The following PBX3 variants were observed in gnomAD, a reference collection of about 807,000 sequenced individuals.
The protein encoded by PBX3 is PBX homeobox 3, also known as pre-B-cell leukemia transcription factor 3.
A neutral mutation model predicts 48.5 loss-of-function variants in PBX3; 14 were observed. That is an observed-to-expected ratio of 0.29 (90% confidence interval 0.19 to 0.45). PBX3 has a LOEUF of 0.45. Ranked by LOEUF, PBX3 falls within the 20% of genes least tolerant of loss-of-function variation. PBX3 has a pLI of 1.00. For synonymous variants in PBX3, 210 were observed against 200.3 expected (o/e 1.05, Z -0.41); for missense variants, 386 against 546.7 (o/e 0.71, Z 2.93).
intron 5 of PBX3, among the ~76,000 whole-genome samples, chr9:125,948,386 CAG>C (rs753011062): frequency 1.4e-4 from 21 of 152,244 alleles, no homozygotes; most frequent in Non-Finnish European, 2.4e-4. Flanking sequence ...CAGTTTAAAA[CAG>C]AGTATGTTTT....
chr9:125,966,130 C>T lies in PBX3; in HGVS notation c.*207C>T. ...ACACACAATGTTAAAAAAAATAAAG[C>T]ACTTTATCCAATTAGGCCAAGATTT... On this transcript the variant is annotated 3_prime_UTR_variant, in exon 9 of 9. Coordinates refer to ENST00000373489, the MANE Select transcript of PBX3 (RefSeq NM_006195.6). 2.3e-6 allele frequency: 1 copy of T among 430,818 alleles called. No homozygotes were observed. Among genetic ancestry groups the T allele is most frequent in the South Asian group, 4.7e-5 (1 of 21,372 alleles). The allele number at this position is 430,818 out of a possible 1,614,324, so 26.7% of individuals were successfully genotyped here.
At chr9:125,917,654 C>T (rs1841364304) in intron 3 of PBX3, among the ~76,000 whole-genome samples, 1 of 152,116 alleles carries the variant, frequency 6.6e-6, no homozygotes, top group Admixed American at 6.5e-5. Flanking sequence ...TGTTTTTTCA[C>T]ATTGCCTTTT....
chr9:125,812,045 C>A (rs749838360), intron 2 of PBX3, among the ~76,000 whole-genome samples: 5 of 152,240 alleles, frequency 3.3e-5, no homozygotes. Context: ...CTTGTGAACA[C>A]GCAGCAAGAA....
intron 3 of PBX3, among the ~76,000 whole-genome samples, chr9:125,916,748 A>G (rs1450255281): frequency 6.6e-6 from 1 of 152,220 alleles, no homozygotes; most frequent in Non-Finnish European, 1.5e-5. Context: ...GGGTCTTTTT[A>G]CATATATTTT....
chr9:125,957,346 A>C (rs1332951258), intron 5 of PBX3, among the ~76,000 whole-genome samples: 2 of 152,250 alleles, frequency 1.3e-5, no homozygotes, highest in Non-Finnish European at 2.9e-5. Flanking sequence ...GTGGCCATTA[A>C]TTTTAATTGC....
intron 2 of PBX3, among the ~76,000 whole-genome samples, chr9:125,775,357 T>A (rs1249000341): frequency 6.6e-6 from 1 of 152,226 alleles, no homozygotes; most frequent in Non-Finnish European, 1.5e-5. Context: ...TGCCCATTTT[T>A]AAAAACTTTT....
At chr9:125,812,166 C>G (rs1239687874) in intron 2 of PBX3, among the ~76,000 whole-genome samples, 1 of 152,186 alleles carries the variant, frequency 6.6e-6, no homozygotes, top group Non-Finnish European at 1.5e-5. Context: ...GCGTTGTCCA[C>G]AAACTACCCA....
intron 1 of PBX3, chr9:125,748,145 C>T (rs1564635406): frequency 1.4e-6 from 1 of 712,320 alleles, no homozygotes; most frequent in African/African-American, 1.9e-5. Context: ...GGAGGGCCGC[C>T]TTGCAAACTT....
At chr9:125,791,871 G>C (rs1165060318) in intron 2 of PBX3, among the ~76,000 whole-genome samples, 1 of 151,762 alleles carries the variant, frequency 6.6e-6, no homozygotes, top group Non-Finnish European at 1.5e-5. Flanking sequence ...GGGAGGCAGA[G>C]GTTGCAGACT....
At chr9:125,889,062 G>T (rs1291310284) in intron 2 of PBX3, among the ~76,000 whole-genome samples, 1 of 152,178 alleles carries the variant, frequency 6.6e-6, no homozygotes, top group Non-Finnish European at 1.5e-5. Flanking sequence ...CAGTGACCAC[G>T]TATTACAATA....
chr9:125,801,274 G>T (rs1438144557), intron 2 of PBX3, among the ~76,000 whole-genome samples: 1 of 151,886 alleles, frequency 6.6e-6, no homozygotes, highest in Admixed American at 6.6e-5. Flanking sequence ...TTTTCTGCCG[G>T]GCTTCAGGCT....
chr9:125,813,329 G>A (rs1435912470), intron 2 of PBX3, among the ~76,000 whole-genome samples: 2 of 152,042 alleles, frequency 1.3e-5, no homozygotes, highest in East Asian at 1.9e-4. Flanking sequence ...CAATGTGTAA[G>A]TAGGGTCATG....
chr9:125,962,154 G>A lies in PBX3; in HGVS notation c.1062G>A (p.Met354Ile), dbSNP rs1461170266. Residue 354 changes from methionine to isoleucine, a missense_variant, in exon 7 of 9, where the codon ATG becomes ATA. By Grantham distance (10) the Met-to-Ile change is conservative. Around this residue, in one of 4 missense-constraint regions of PBX3, gnomAD observed 127 missense variants for 143.3 expected, o/e 0.89. Coordinates refer to ENST00000373489, the MANE Select transcript of PBX3 (RefSeq NM_006195.6). ...LPNSGDMFMN[M>I]QSLNGDSYQG... is the part of the protein sequence containing the mutation. ...ATTCTGGGGACATGTTCATGAACATGCAGAGTCTGAATGGGGATTCTTACC... is the reference window on the plus strand; with the variant it reads ...ATTCTGGGGACATGTTCATGAACATACAGAGTCTGAATGGGGATTCTTACC... 6.2e-7 allele frequency: 1 copy of A among 1,613,214 alleles called. No individual in the cohort carries two copies. Among genetic ancestry groups the A allele is most frequent in the Non-Finnish European group, 8.5e-7 (1 of 1,179,258 alleles).
intron 5 of PBX3, among the ~76,000 whole-genome samples, chr9:125,954,698 GCTAATTTTTTGTA>G (rs926676134): frequency 7.9e-5 from 12 of 152,092 alleles, no homozygotes; most frequent in African/African-American, 2.9e-4. Flanking sequence ...ACCACGCCCG[GCTAATTTTTTGTA>G]TTTTAGTAGT....
At chr9:125,808,239 A>G (rs954327270) in intron 2 of PBX3, among the ~76,000 whole-genome samples, 1 of 152,242 alleles carries the variant, frequency 6.6e-6, no homozygotes, top group African/African-American at 2.4e-5. Context: ...AGTATAAAAT[A>G]GGACGTATAG....
chr9:125,909,504 T>C (rs981825622), intron 2 of PBX3, among the ~76,000 whole-genome samples: 1 of 152,186 alleles, frequency 6.6e-6, no homozygotes, highest in Admixed American at 6.5e-5. Context: ...TGAATCATTA[T>C]TTCAGGCTTG....
At chr9:125,927,417 G>A (rs1046901593) in intron 3 of PBX3, among the ~76,000 whole-genome samples, 2 of 152,186 alleles carry the variant, frequency 1.3e-5, no homozygotes, top group Non-Finnish European at 2.9e-5. Flanking sequence ...TAGAGTAAGT[G>A]AAATACACAG....
intron 5 of PBX3, among the ~76,000 whole-genome samples, chr9:125,948,163 G>A (rs1403941072): frequency 6.6e-6 from 1 of 152,204 alleles, no homozygotes; most frequent in African/African-American, 2.4e-5. Flanking sequence ...CCAGATTAAT[G>A]CTGATGCTGA....
At chr9:125,811,218 A>G (rs2132125945) in intron 2 of PBX3, among the ~76,000 whole-genome samples, 1 of 152,358 alleles carries the variant, frequency 6.6e-6, no homozygotes, top group East Asian at 1.9e-4. Flanking sequence ...ATGGAAAATC[A>G]GTGTCGTAGC....
Sources: gnomAD v4.1 joint callset for allele counts (sites outside exome capture counted in the v4.1 genomes callset) on GRCh38, gnomAD v4.1.1 for gene constraint, gnomAD v4.1.1 regional missense constraint, MANE v1.5 for transcripts, NCBI Gene and HGNC (gene_info 2026-07-23, HGNC 2026-07-21) for gene names.